The following TRABD2B variants were observed in gnomAD, a reference collection of about 807,000 sequenced individuals.
The protein encoded by TRABD2B is TraB domain containing 2B, also known as metalloprotease TIKI2.
Under a neutral mutation model 40.1 loss-of-function variants are expected in TRABD2B, and 14 were observed. The observed-to-expected ratio is 0.35, with a 90% confidence interval of 0.23 to 0.55. The LOEUF (loss-of-function observed/expected upper bound fraction) is 0.55. Among genes scored for constraint, TRABD2B ranks in the 20% least tolerant of loss-of-function variants. The pLI is 0.90. For missense variants in TRABD2B, 541 were observed against 648.6 expected, an observed-to-expected ratio of 0.83 and a Z score of 1.80; for synonymous variants, 263 against 277.0, an observed-to-expected ratio of 0.95 and a Z score of 0.50.
intron 2 of TRABD2B, among the ~76,000 whole-genome samples, chr1:47,984,974 A>G (rs149181669): frequency 1.3e-5 from 2 of 152,378 alleles, no homozygotes; most frequent in East Asian, 3.9e-4. Context: ...TTTCTTGAAA[A>G]GTTGTATAAC....
In TRABD2B at chr1:47,765,798, C is replaced by T; in HGVS notation, c.*104G>A. ...GTCTAGCCAATCCCATGTGGACTGC[C>T]CTCGACGTGTTGGGCACCCCCTGGA... On this transcript the variant is annotated 3_prime_UTR_variant, in exon 7 of 7. Coordinates refer to ENST00000606738, the MANE Select transcript of TRABD2B (RefSeq NM_001194986.2). 1.4e-6 allele frequency: 1 copy of T among 701,834 alleles called. No individual in the cohort carries two copies. The highest frequency in any genetic ancestry group is 2.6e-6 in the Non-Finnish European group (1 of 384,754). 43.5% of individuals were successfully genotyped at this position (701,834 alleles called of 1,614,324 possible).
intron 2 of TRABD2B, among the ~76,000 whole-genome samples, chr1:47,887,151 C>T (rs146767833): frequency 3.3e-5 from 5 of 152,292 alleles, no homozygotes; most frequent in African/African-American, 1.2e-4. Context: ...TCTGAGCAGG[C>T]CAAACACATT....
At chr1:47,875,264 G>A (rs575903899) in intron 2 of TRABD2B, among the ~76,000 whole-genome samples, 8 of 151,738 alleles carry the variant, frequency 5.3e-5, no homozygotes, top group Admixed American at 1.3e-4. Flanking sequence ...GTGGAAGACT[G>A]AAAATTTCCT....
chr1:47,993,163 C>T (rs532871312), intron 2 of TRABD2B, among the ~76,000 whole-genome samples: 26 of 152,252 alleles, frequency 1.7e-4, no homozygotes, highest in African/African-American at 6.0e-4. Context: ...CTTGGGGCCT[C>T]CTTGAAGGAG....
At chr1:47,823,210 G>T (rs1160328292) in intron 2 of TRABD2B, among the ~76,000 whole-genome samples, 1 of 152,280 alleles carries the variant, frequency 6.6e-6, no homozygotes, top group Non-Finnish European at 1.5e-5. Context: ...GTAGCTGCAT[G>T]GGGGAGGCAG....
rs142075375 is a variant in TRABD2B, at chr1:47,963,477, G to C, written c.666+30557C>G. Among the ~76,000 whole-genome samples the C allele has an allele frequency of 2.0e-5, 3 of 152,180 alleles. No individual in the cohort carries two copies. The South Asian group carries it at 6.2e-4, about 32-fold the overall frequency. ...GAAAAAGAGCAGGCCCTTGCTTTAAGCCAGGACATAAAGAAACATGAGAGT... is the reference window on the plus strand; with the variant it reads ...GAAAAAGAGCAGGCCCTTGCTTTAACCCAGGACATAAAGAAACATGAGAGT... On this transcript the variant is annotated intron_variant, in intron 2 of 6. Coordinates refer to ENST00000606738, the MANE Select transcript of TRABD2B (RefSeq NM_001194986.2).
Position 47,778,458 on chromosome 1 carries a change from G to C in TRABD2B, c.1075C>G (p.His359Asp). The stretch of plus-strand genomic sequence containing the variant: ...GCACACCCAGATGTGGCTTACCTGT[G>C]TATGGCCTGCCCGGCGGGTGTGTGG... ...VDHTPAGQAI[H>D]SPAPQSPAPS... Residue 359 changes from histidine (H) to aspartate (D), a missense_variant, in exon 5 of 7, where the codon CAC becomes GAC. By Grantham distance (81) the His-to-Asp change is moderately conservative. Around this residue, in one of 2 missense-constraint regions of TRABD2B, gnomAD observed 172 missense variants for 155.8 expected, o/e 1.10. Coordinates refer to ENST00000606738, the MANE Select transcript of TRABD2B (RefSeq NM_001194986.2). 1 of 1,535,724 alleles carries C rather than the reference G, an allele frequency of 6.5e-7. No individual in the cohort carries two copies. Among genetic ancestry groups the C allele is most frequent in the Non-Finnish European group, 8.7e-7 (1 of 1,146,510 alleles).
chr1:47,994,024 G>A lies in TRABD2B; in HGVS notation c.666+10C>T. ...GCTGTCAGCTCCGGGCTGGGGCACT[G>A]CATGCCTACCTGGGAGAAGTTGAGC... On this transcript the variant is annotated intron_variant, in intron 2 of 6. Coordinates refer to ENST00000606738, the MANE Select transcript of TRABD2B (RefSeq NM_001194986.2). The surrounding 1 kb of genome is among the most constrained non-coding windows in gnomAD (Gnocchi z 6.7). The A allele has an allele frequency of 6.5e-7, 1 of 1,531,424 alleles. No homozygotes were observed. Among genetic ancestry groups the A allele is most frequent in the Non-Finnish European group, 8.7e-7 (1 of 1,143,544 alleles). The allele number at this position is 1,531,424 out of a possible 1,614,324, so 94.9% of individuals were successfully genotyped here. A position where few individuals can be genotyped will look rare whatever the true frequency, so the allele number is the denominator to read the frequency against.
At chr1:47,944,769 G>A (rs531662140) in intron 2 of TRABD2B, among the ~76,000 whole-genome samples, 15 of 152,280 alleles carry the variant, frequency 9.9e-5, no homozygotes, top group African/African-American at 1.7e-4. Flanking sequence ...AGCAGCTCAC[G>A]GACATGGCTA....
At chr1:47,874,250 TA>T in intron 2 of TRABD2B, among the ~76,000 whole-genome samples, 2 of 132,168 alleles carry the variant, frequency 1.5e-5, no homozygotes, top group South Asian at 2.3e-4. Flanking sequence ...ATTGATTAAT[TA>T]ATTTTTTTTT....
chr1:47,800,552 A>G (rs1644808592), intron 3 of TRABD2B, among the ~76,000 whole-genome samples: 1 of 152,224 alleles, frequency 6.6e-6, no homozygotes, highest in South Asian at 2.1e-4. Flanking sequence ...AGGCCACTGT[A>G]GAGACTCTGG....
intron 2 of TRABD2B, among the ~76,000 whole-genome samples, chr1:47,874,706 G>A (rs1412932137): frequency 6.6e-6 from 1 of 151,364 alleles, no homozygotes; most frequent in Non-Finnish European, 1.5e-5. Context: ...TAGTTGGGAC[G>A]ACCGACATGC....
chr1:47,824,555 A>G (rs1381679470), intron 2 of TRABD2B, among the ~76,000 whole-genome samples: 1 of 152,142 alleles, frequency 6.6e-6, no homozygotes, highest in African/African-American at 2.4e-5. Flanking sequence ...AGGAAGTGGC[A>G]CTCAAACCCA....
intron 2 of TRABD2B, among the ~76,000 whole-genome samples, chr1:47,839,938 C>A (rs1172877363): frequency 2.0e-5 from 3 of 152,182 alleles, no homozygotes; most frequent in Non-Finnish European, 4.4e-5. Flanking sequence ...GATGGCCAAG[C>A]TTGTTGCTGC....
intron 2 of TRABD2B, among the ~76,000 whole-genome samples, chr1:47,872,299 C>G (rs1249287302): frequency 1.3e-5 from 2 of 152,166 alleles, no homozygotes; most frequent in East Asian, 3.9e-4. Flanking sequence ...GCAAGTCTGG[C>G]TGTTGTGGTT....
chr1:47,836,635 A>T (rs1271471948), intron 2 of TRABD2B, among the ~76,000 whole-genome samples: 2 of 152,230 alleles, frequency 1.3e-5, no homozygotes, highest in Non-Finnish European at 2.9e-5. Flanking sequence ...CTTCATAGAC[A>T]GAATGTTTTT....
chr1:47,807,814 T>G (rs1263166513), intron 2 of TRABD2B, among the ~76,000 whole-genome samples: 1 of 152,192 alleles, frequency 6.6e-6, no homozygotes, highest in Non-Finnish European at 1.5e-5. Flanking sequence ...CATCCTCTTC[T>G]GGGGAAAGAA....
intron 2 of TRABD2B, among the ~76,000 whole-genome samples, chr1:47,874,682 C>A (rs561224327): frequency 1.3e-5 from 2 of 151,930 alleles, no homozygotes; most frequent in Admixed American, 6.6e-5. Context: ...ATCCTCCCAC[C>A]TCAGCCTCCT....
chr1:47,901,442 C>T (rs1323198786), intron 2 of TRABD2B, among the ~76,000 whole-genome samples: 3 of 152,174 alleles, frequency 2.0e-5, no homozygotes, highest in East Asian at 3.9e-4. Context: ...CATGGCTCAG[C>T]GGCAGGGGGC....
Sources: gnomAD v4.1 joint callset for allele counts (sites outside exome capture counted in the v4.1 genomes callset) on GRCh38, gnomAD v4.1.1 for gene constraint, gnomAD v4.1.1 regional missense constraint, Gnocchi (gnomAD v3.1) non-coding constraint, MANE v1.5 for transcripts, NCBI Gene and HGNC (gene_info 2026-07-23, HGNC 2026-07-21) for gene names.